The following TBC1D12 variants were observed in gnomAD, a reference collection of about 807,000 sequenced individuals.
The protein encoded by TBC1D12 is TBC1 domain family, member 12.
TBC1D12 carries 56 observed loss-of-function variants against 86.7 expected under a neutral mutation model. The observed-to-expected ratio is 0.65, with a 90% confidence interval of 0.52 to 0.81. The LOEUF is 0.81. TBC1D12 is among the 30% of genes least tolerant of loss of function. The pLI is 0.00. For synonymous variants in TBC1D12, 421 were observed against 411.7 expected, an observed-to-expected ratio of 1.02 and a Z score of -0.27; for missense variants, 1,023 against 1,038.8, an observed-to-expected ratio of 0.98 and a Z score of 0.21.
At chr10:94,405,622 G>T (rs1162931877) in intron 1 of TBC1D12, among the ~76,000 whole-genome samples, 1 of 152,042 alleles carries the variant, frequency 6.6e-6, no homozygotes, top group Non-Finnish European at 1.5e-5. Context: ...TCAGATGTCA[G>T]GCAATTTTAG....
At chr10:94,438,511 A>G (rs1589615581) in intron 1 of TBC1D12, among the ~76,000 whole-genome samples, 1 of 151,994 alleles carries the variant, frequency 6.6e-6, no homozygotes, top group East Asian at 1.9e-4. Flanking sequence ...GACCAACCAA[A>G]ATGTACAACC....
chr10:94,480,858 C>G (rs1407976429), intron 3 of TBC1D12, among the ~76,000 whole-genome samples: 1 of 149,878 alleles, frequency 6.7e-6, no homozygotes, highest in Non-Finnish European at 1.5e-5. Context: ...GCCTGGGCAA[C>G]AGAGCCAGAC....
chr10:94,511,621 G>T lies in TBC1D12; in HGVS notation c.1728G>T (p.Gly576=). 1 of 1,612,892 alleles carries T rather than the reference G, an allele frequency of 6.2e-7. No individual in the cohort carries two copies. The highest frequency in any genetic ancestry group is 8.5e-7 in the Non-Finnish European group (1 of 1,179,404). ...PYHDVLHSIL[G]AYTCYRPDVG... ...ATGATGTCTTGCATAGTATTTTAGGGGCATACACATGCTACAGGCCTGATG... is the reference window on the plus strand; with the variant it reads ...ATGATGTCTTGCATAGTATTTTAGGTGCATACACATGCTACAGGCCTGATG... Residue 576 remains glycine (G), a synonymous_variant, in exon 9 of 13, where the codon GGG becomes GGT. Coordinates refer to ENST00000225235, the MANE Select transcript of TBC1D12 (RefSeq NM_015188.2).
At chr10:94,452,654 G>A (rs919988021) in intron 2 of TBC1D12, among the ~76,000 whole-genome samples, 3 of 151,988 alleles carry the variant, frequency 2.0e-5, no homozygotes, top group African/African-American at 7.2e-5. Context: ...TCTATTGTCT[G>A]GGAACACCAC....
At chr10:94,522,198 A>G (rs1189012128) in intron 10 of TBC1D12, 115 bp downstream of exon 10, 29 of 1,314,250 alleles carry the variant, frequency 2.2e-5, no homozygotes, top group Middle Eastern at 2.2e-4. Context: ...TCATTATATT[A>G]TAGTTTATTA....
chr10:94,460,503 C>T (rs1374256210), intron 2 of TBC1D12, among the ~76,000 whole-genome samples: 1 of 151,734 alleles, frequency 6.6e-6, no homozygotes, highest in Admixed American at 6.6e-5. Context: ...CATGTTTTTA[C>T]CTCTGCTGCC....
chr10:94,521,776 T>A (rs1394922996), intron 9 of TBC1D12, among the ~76,000 whole-genome samples, 179 bp from the exon 10 acceptor site: 1 of 152,164 alleles, frequency 6.6e-6, no homozygotes, highest in African/African-American at 2.4e-5. Context: ...GAACAAGAAA[T>A]TAGGGAGATT....
At chr10:94,407,919 T>C (rs2054879238) in intron 1 of TBC1D12, among the ~76,000 whole-genome samples, 1 of 152,158 alleles carries the variant, frequency 6.6e-6, no homozygotes, top group Non-Finnish European at 1.5e-5. Flanking sequence ...TGAGCCATGA[T>C]TGAGTCACTG....
intron 3 of TBC1D12, among the ~76,000 whole-genome samples, chr10:94,482,223 A>G (rs1455959691): frequency 6.6e-6 from 1 of 152,012 alleles, no homozygotes; most frequent in Non-Finnish European, 1.5e-5. Context: ...AGTTCTCATC[A>G]TTTAGCTCTC....
At chr10:94,488,409 G>C (rs1435926635) in intron 3 of TBC1D12, among the ~76,000 whole-genome samples, 1 of 16,040 alleles carries the variant, frequency 6.2e-5, no homozygotes, top group Admixed American at 5.3e-4. Flanking sequence ...TTTTTTTTTT[G>C]AGATGCAGTC....
In TBC1D12 at chr10:94,402,845, G is replaced by A. The variant is rs1231699388; in HGVS notation, c.232G>A (p.Gly78Arg). The change falls in exon 1 of 13, where the codon GGG becomes AGG. Residue 78 changes from glycine to arginine, a missense_variant. By Grantham distance (125) the Gly-to-Arg change is moderately radical (BLOSUM62 -2). Transcript: ENST00000225235. ...QLLQRYLAAA[G>R]EQLEPGLCYC... is the part of the protein sequence containing the mutation. ...CCTTCAGCGTTACCTCGCGGCGGCC[G>A]GGGAGCAGCTGGAGCCGGGGCTCTG... 1.3e-6 allele frequency: 2 copies of A among 1,535,478 alleles called. No individual in the cohort carries two copies. Among genetic ancestry groups the A allele is most frequent in the African/African-American group, 1.4e-5 (1 of 71,774 alleles).
chr10:94,507,604 T>A (rs1482503404), intron 7 of TBC1D12, among the ~76,000 whole-genome samples: 2 of 152,222 alleles, frequency 1.3e-5, no homozygotes, highest in African/African-American at 4.8e-5. Flanking sequence ...AGACAGCAGC[T>A]ATTTCATCAT....
chr10:94,428,282 C>CTTT lies in TBC1D12; in HGVS notation c.972-13593_972-13591dup, dbSNP rs894535771. Among the ~76,000 whole-genome samples the CTTT allele has an allele frequency of 5.2e-4, 52 of 99,848 alleles. 1 individual carries two copies. The highest frequency in any genetic ancestry group is 9.6e-4 in the African/African-American group (26 of 26,970). 65.5% of individuals were successfully genotyped at this position (99,848 alleles called of 152,430 possible). On this transcript the variant is annotated intron_variant, in intron 1 of 12. Transcript: ENST00000225235. The stretch of plus-strand genomic sequence containing the variant: ...TGGCCAAGAGAAATGTTTGGAACTT[C>CTTT]TTTTTTTTTTTTTTTTTTTTTTTAA...
intron 2 of TBC1D12, among the ~76,000 whole-genome samples, chr10:94,445,337 A>G (rs4917505): frequency 0.4 from 60,085 of 151,342 alleles, 12,595 homozygotes; most frequent in East Asian, 0.74. Context: ...CCAGCCTGGC[A>G]AAAGAGCGAG....
At chr10:94,494,828 G>A (rs949520573) in intron 4 of TBC1D12, among the ~76,000 whole-genome samples, 1 of 152,062 alleles carries the variant, frequency 6.6e-6, no homozygotes, top group Non-Finnish European at 1.5e-5. Flanking sequence ...TCAGGTGTGA[G>A]CCACCACATC....
At chr10:94,425,431 G>T (rs553427143) in intron 1 of TBC1D12, among the ~76,000 whole-genome samples, 1 of 152,314 alleles carries the variant, frequency 6.6e-6, no homozygotes, top group African/African-American at 2.4e-5. Flanking sequence ...AAAATATTCA[G>T]TGAGTGCAGG....
chr10:94,444,190 A>G (rs114326016), intron 2 of TBC1D12, among the ~76,000 whole-genome samples: 3,263 of 151,546 alleles, frequency 0.022, 122 homozygotes, highest in African/African-American at 0.073. Context: ...AAAAAAAAGA[A>G]TGAAAGAAAA....
chr10:94,515,369 C>T (rs1054198412), intron 9 of TBC1D12, among the ~76,000 whole-genome samples: 6 of 150,620 alleles, frequency 4.0e-5, no homozygotes, highest in East Asian at 4.0e-4. Context: ...GTTTTTGAGA[C>T]GGGGTTTCGC....
rs1484641422 is a variant in TBC1D12, at chr10:94,533,124, T to C, written c.*28T>C. On this transcript the variant is annotated 3_prime_UTR_variant, in exon 13 of 13. Transcript: ENST00000225235. Reference sequence around the variant, plus strand: ...TTCAAAATTGACAGACTAACTGACATAGAAAAAGTGGTTTTTGGATAAAGG... The same window carrying C: ...TTCAAAATTGACAGACTAACTGACACAGAAAAAGTGGTTTTTGGATAAAGG... 6 of 1,483,712 alleles carry C rather than the reference T, an allele frequency of 4.0e-6. No homozygotes were observed. The highest frequency in any genetic ancestry group is 5.5e-6 in the Non-Finnish European group (6 of 1,095,052). The allele number at this position is 1,483,712 out of a possible 1,614,324, so 91.9% of individuals were successfully genotyped here. A position where few individuals can be genotyped will look rare whatever the true frequency, so the allele number is the denominator to read the frequency against.
Sources: allele counts gnomAD v4.1 joint callset (sites outside exome capture counted in the v4.1 genomes callset), GRCh38; gene constraint gnomAD v4.1.1; transcripts MANE v1.5; gene names NCBI Gene and HGNC (gene_info 2026-07-23, HGNC 2026-07-21).